ARMC7: variants seen among roughly 807,000 people sequenced by gnomAD.
ARMC7 encodes the protein armadillo repeat-containing protein 7.
ARMC7 carries 9 observed loss-of-function variants against 14.8 expected under a neutral mutation model. That is an observed-to-expected ratio of 0.61 (90% CI 0.37 to 1.06). ARMC7 has a LOEUF of 1.06. ARMC7 is among the 50% of genes least tolerant of loss of function. ARMC7 has a pLI of 0.01. For missense variants in ARMC7, 262 were observed against 267.1 expected (o/e 0.98, Z 0.13); for synonymous variants, 125 against 123.4 (o/e 1.01, Z -0.09).
intron 2 of ARMC7, among the ~76,000 whole-genome samples, chr17:75,112,770 GACAGGATCTC>G (rs1261900787): frequency 6.7e-6 from 1 of 148,988 alleles, no homozygotes; most frequent in Non-Finnish European, 1.5e-5. Context: ...TTTTTGTTGT[GACAGGATCTC>G]ACTGTGTTGC....
Position 75,129,287 on chromosome 17 carries a change from G to C in ARMC7, c.*249G>C. 1 of 564,776 alleles carries C rather than the reference G, an allele frequency of 1.8e-6. No homozygotes were observed. 35.0% of individuals were successfully genotyped at this position (564,776 alleles called of 1,614,324 possible). On this transcript the variant is annotated 3_prime_UTR_variant, in exon 3 of 3. Coordinates refer to ENST00000245543, the MANE Select transcript of ARMC7 (RefSeq NM_024585.4). ...GGCTGGCACTCTCAATCCTACATCA[G>C]GTGCCACCACCACCAGACTCAGGCC...
At chr17:75,116,672 C>T (rs9891383) in intron 2 of ARMC7, among the ~76,000 whole-genome samples, 80,837 of 152,124 alleles carry the variant, frequency 0.53, 24,988 homozygotes, top group East Asian at 0.87. Flanking sequence ...CCAGAGCAGT[C>T]AGAGTCTACA....
At chr17:75,115,586 G>A (rs767391611) in intron 2 of ARMC7, among the ~76,000 whole-genome samples, 162 of 152,004 alleles carry the variant, frequency 1.1e-3, no homozygotes, top group Non-Finnish European at 1.8e-3. Flanking sequence ...GTTGAGCAGG[G>A]TGGTTCATAC....
intron 2 of ARMC7, among the ~76,000 whole-genome samples, chr17:75,115,156 C>T (rs78598647): frequency 1.3e-5 from 2 of 152,240 alleles, no homozygotes; most frequent in East Asian, 3.9e-4. Flanking sequence ...GGAGTCCTGG[C>T]CATGACTTGG....
At chr17:75,127,235 C>G (rs899631025) in intron 2 of ARMC7, among the ~76,000 whole-genome samples, 8 of 152,142 alleles carry the variant, frequency 5.3e-5, no homozygotes, top group African/African-American at 1.9e-4. Context: ...AAGCAGCAAG[C>G]AGAGTATCCC....
At chr17:75,112,763 T>A (rs2073936494) in intron 2 of ARMC7, among the ~76,000 whole-genome samples, 1 of 150,924 alleles carries the variant, frequency 6.6e-6, no homozygotes, top group Non-Finnish European at 1.5e-5. Flanking sequence ...TTTTAATTTT[T>A]TGTTGTGACA....
intron 2 of ARMC7, among the ~76,000 whole-genome samples, chr17:75,119,398 G>C (rs1025864373): frequency 6.6e-6 from 1 of 151,470 alleles, no homozygotes; most frequent in Non-Finnish European, 1.5e-5. Context: ...GAACAAGGTA[G>C]AAGGGACCAG....
In ARMC7 at chr17:75,109,998, C is replaced by CGCCAGT. The variant is rs2073894732; in HGVS notation, c.-287_-282dup. The stretch of plus-strand genomic sequence containing the variant: ...CCGAGCCCAGGAGCCGGGGACGGTG[C>CGCCAGT]GCCAGTGCCCCCTCCGCGAGCCCCA... On this transcript the variant is annotated 5_prime_UTR_variant, in exon 1 of 3. Coordinates refer to ENST00000245543, the MANE Select transcript of ARMC7 (RefSeq NM_024585.4). The surrounding 1 kb of genome is among the most constrained non-coding windows in gnomAD (Gnocchi z 5.0). 2.8e-6 allele frequency: 1 copy of CGCCAGT among 351,766 alleles called. No homozygotes were observed. The highest frequency in any genetic ancestry group is 2.1e-5 in the African/African-American group (1 of 46,516). 21.8% of individuals were successfully genotyped at this position (351,766 alleles called of 1,614,324 possible). A position where few individuals can be genotyped will look rare whatever the true frequency, so the allele number is the denominator to read the frequency against.
rs866632253 is a variant in ARMC7, at chr17:75,121,444, G to A, written c.236-7233G>A. Among the ~76,000 whole-genome samples the A allele has an allele frequency of 7.2e-5, 11 of 152,202 alleles. No homozygotes were observed. The Middle Eastern group carries it at 0.017, about 235-fold the overall frequency. On this transcript the variant is annotated intron_variant, in intron 2 of 2. Coordinates refer to ENST00000245543, the MANE Select transcript of ARMC7 (RefSeq NM_024585.4). ...TTGTTTGTTTTTGAGATGGAGTCTCGCTCTGTCGCCTACGCTGGAGCACAG... is the reference window on the plus strand; with the variant it reads ...TTGTTTGTTTTTGAGATGGAGTCTCACTCTGTCGCCTACGCTGGAGCACAG...
rs565739808 is a variant in ARMC7 at position 75,115,460 on chromosome 17, A to T, written c.235+4854A>T. Among the ~76,000 whole-genome samples the T allele has an allele frequency of 5.3e-5, 8 of 152,104 alleles. No homozygotes were observed. In the East Asian group the frequency reaches 1.5e-3, roughly 29 times the overall value. ...AGGCTGAGGCAGAAGAGTTGCTTGA[A>T]CCAGGAGACAGAGGTTGCAGTGAGC... On this transcript the variant is annotated intron_variant, in intron 2 of 2. Transcript: ENST00000245543.
At position 75,127,210 on chromosome 17, in the gene ARMC7, C is replaced by T. The variant is rs568104233; in HGVS notation, c.236-1467C>T. 4.6e-5 allele frequency among the ~76,000 whole-genome samples: 7 copies of T among 152,304 alleles called. No individual in the cohort carries two copies. The South Asian group carries it at 1.4e-3, about 32-fold the overall frequency. On this transcript the variant is annotated intron_variant, in intron 2 of 2. Coordinates refer to ENST00000245543, the MANE Select transcript of ARMC7 (RefSeq NM_024585.4). ...ACAACATAGGGAGATCCCACCCCAT[C>T]TCAGAAAACTGACCAAGCAGCAAGC...
chr17:75,114,127 A>G (rs532648518), intron 2 of ARMC7: 1 of 401,196 alleles, frequency 2.5e-6, no homozygotes, highest in South Asian at 1.3e-4. Flanking sequence ...GGTCTCTAAA[A>G]CGTCCTCCGT....
intron 2 of ARMC7, among the ~76,000 whole-genome samples, chr17:75,115,268 G>C (rs1017470681): frequency 2.0e-5 from 3 of 152,182 alleles, no homozygotes; most frequent in Non-Finnish European, 4.4e-5. Context: ...ACCAAGCTGG[G>C]TATGGTGGCT....
chr17:75,112,175 T>G (rs6501760), intron 2 of ARMC7, among the ~76,000 whole-genome samples: 112,866 of 152,072 alleles, frequency 0.74, 42,303 homozygotes, highest in Non-Finnish European at 0.76. Flanking sequence ...TGCAGTGAAG[T>G]GGAGAATGGC....
chr17:75,130,225 G>A lies in ARMC7; in HGVS notation c.*1187G>A, dbSNP rs752358233. 1 of 497,430 alleles carries A rather than the reference G, an allele frequency of 2.0e-6. No homozygotes were observed. Among genetic ancestry groups the A allele is most frequent in the Non-Finnish European group, 3.6e-6 (1 of 275,538 alleles). 30.8% of individuals were successfully genotyped at this position (497,430 alleles called of 1,614,324 possible). On this transcript the variant is annotated 3_prime_UTR_variant, in exon 3 of 3. Transcript: ENST00000245543. ...TGTTCCCAAATAAAGGGTCCTAGAA[G>A]ACTAGAAAGCCAAGGTCTTTTATTA...
intron 2 of ARMC7, chr17:75,114,646 G>C (rs1445699945): frequency 2.5e-6 from 1 of 397,724 alleles, no homozygotes; most frequent in East Asian, 3.6e-5. Context: ...AGGTATTTTA[G>C]AATTGTTAGG....
Position 75,119,753 on chromosome 17 carries a change from G to A in ARMC7, c.236-8924G>A, listed in dbSNP as rs567229259. 3.9e-5 allele frequency among the ~76,000 whole-genome samples: 6 copies of A among 151,980 alleles called. No homozygotes were observed. The East Asian group carries it at 1.2e-3, about 30-fold the overall frequency. ...TAGGATTACAGGCGTGAGCCACCAC[G>A]CCCAGCCTGCTGTGAAGACTTTGAC... On this transcript the variant is annotated intron_variant, in intron 2 of 2. Coordinates refer to ENST00000245543, the MANE Select transcript of ARMC7 (RefSeq NM_024585.4).
intron 2 of ARMC7, among the ~76,000 whole-genome samples, chr17:75,128,420 G>GT (rs201756341): frequency 0.016 from 2,371 of 152,224 alleles, 22 homozygotes; most frequent in Non-Finnish European, 0.023. Flanking sequence ...AAAAAAAAGC[G>GT]TATCAGCCAT....
At chr17:75,119,550 G>A (rs1383964915) in intron 2 of ARMC7, among the ~76,000 whole-genome samples, 6 of 149,044 alleles carry the variant, frequency 4.0e-5, no homozygotes, top group African/African-American at 9.8e-5. Flanking sequence ...CCGGGTTCAC[G>A]CCATTCTCCT....
Sources: allele counts gnomAD v4.1 joint callset (sites outside exome capture counted in the v4.1 genomes callset), GRCh38; gene constraint gnomAD v4.1.1; non-coding constraint Gnocchi (gnomAD v3.1); transcripts MANE v1.5; gene names NCBI Gene and HGNC (gene_info 2026-07-23, HGNC 2026-07-21).